The following SCNN1B variants were observed in gnomAD, a reference collection of about 807,000 sequenced individuals.
SCNN1B encodes epithelial sodium channel subunit beta.
SCNN1B carries 46 observed loss-of-function variants against 65.3 expected under a neutral mutation model. The observed-to-expected ratio is 0.70, with a 90% confidence interval of 0.56 to 0.90. The LOEUF is 0.90. SCNN1B is among the 40% of genes least tolerant of loss of function. SCNN1B has a pLI of 0.00. For synonymous variants in SCNN1B, 349 were observed against 330.6 expected (o/e 1.06, Z -0.60); for missense variants, 751 against 830.5 (o/e 0.90, Z 1.18).
chr16:23,356,601 G>T (rs914567855), intron 4 of SCNN1B, among the ~76,000 whole-genome samples: 4 of 150,848 alleles, frequency 2.7e-5, no homozygotes, highest in African/African-American at 9.8e-5. Context: ...TCCAGTCTGG[G>T]TGACAGAATG....
intron 1 of SCNN1B, among the ~76,000 whole-genome samples, chr16:23,305,107 C>T (rs1217144036): frequency 1.3e-5 from 2 of 152,024 alleles, no homozygotes; most frequent in African/African-American, 2.4e-5. Context: ...GAGATTTCCG[C>T]TTGTTGAGAG....
In SCNN1B at chr16:23,377,459, T is replaced by G. The variant is rs531944994; in HGVS notation, c.1404+73T>G. 1.7e-5 allele frequency: 25 copies of G among 1,468,550 alleles called. No homozygotes were observed. In the African/African-American group the frequency reaches 3.3e-4, roughly 20 times the overall value. 91.0% of individuals were successfully genotyped at this position (1,468,550 alleles called of 1,614,324 possible). ...ACAAGTCTGGGCATAAGATGTGGGC[T>G]ATTTGGAAATTTGAAGGGGGTGCCT... On this transcript the variant is annotated intron_variant, in intron 10 of 12. Coordinates refer to ENST00000343070, the MANE Select transcript of SCNN1B (RefSeq NM_000336.3).
intron 7 of SCNN1B, among the ~76,000 whole-genome samples, chr16:23,372,980 G>A (rs552614217): frequency 3.6e-4 from 55 of 151,678 alleles, no homozygotes; most frequent in African/African-American, 1.2e-3. Context: ...CGTGGCACAC[G>A]CCTGTAGTCC....
At chr16:23,317,431 G>A (rs1263525235) in intron 1 of SCNN1B, among the ~76,000 whole-genome samples, 1 of 152,178 alleles carries the variant, frequency 6.6e-6, no homozygotes, top group African/African-American at 2.4e-5. Flanking sequence ...GAGCAGTGTG[G>A]GGACATGACT....
intron 1 of SCNN1B, among the ~76,000 whole-genome samples, chr16:23,319,532 G>C (rs1286766463): frequency 6.6e-6 from 1 of 152,082 alleles, no homozygotes; most frequent in Non-Finnish European, 1.5e-5. Flanking sequence ...TCAAAATTCA[G>C]TGTTCATAAG....
At chr16:23,347,675 A>G (rs1439386367) in intron 1 of SCNN1B, among the ~76,000 whole-genome samples, 1 of 152,234 alleles carries the variant, frequency 6.6e-6, no homozygotes, top group Non-Finnish European at 1.5e-5. Context: ...TGGGATGCTG[A>G]GGTGGGTGGA....
At chr16:23,346,809 G>A (rs910861814) in intron 1 of SCNN1B, among the ~76,000 whole-genome samples, 33 of 151,218 alleles carry the variant, frequency 2.2e-4, no homozygotes, top group African/African-American at 7.5e-4. Flanking sequence ...CCAGGCCTCC[G>A]TTTTCTAATA....
At chr16:23,371,173 G>A in intron 5 of SCNN1B, 126 bp from the exon 6 acceptor site, 1 of 1,030,830 alleles carries the variant, frequency 9.7e-7, no homozygotes, top group East Asian at 2.6e-5. Flanking sequence ...TTTGCAAAGT[G>A]GAGCCAGCCT....
In SCNN1B at chr16:23,373,083, A is replaced by G. The variant is rs376282660; in HGVS notation, c.1152+1200A>G. Reference sequence around the variant, plus strand: ...TATCACGCCACTGCACTCCAGCCTGAGTGACAGAGTGAGACTCTTGTCTCA... The same window carrying G: ...TATCACGCCACTGCACTCCAGCCTGGGTGACAGAGTGAGACTCTTGTCTCA... On this transcript the variant is annotated intron_variant, in intron 7 of 12. Coordinates refer to ENST00000343070, the MANE Select transcript of SCNN1B (RefSeq NM_000336.3). 4.7e-3 allele frequency among the ~76,000 whole-genome samples: 716 copies of G among 152,182 alleles called. 7 individuals carry two copies. The highest frequency in any genetic ancestry group is 0.016 in the African/African-American group (678 of 41,564).
chr16:23,320,978 C>T (rs973982456), intron 1 of SCNN1B, among the ~76,000 whole-genome samples: 3 of 152,176 alleles, frequency 2.0e-5, no homozygotes, highest in South Asian at 4.1e-4. Flanking sequence ...TGGTGGTGGC[C>T]GGATCTAGAT....
intron 1 of SCNN1B, among the ~76,000 whole-genome samples, chr16:23,338,984 T>C (rs924231672): frequency 6.6e-6 from 1 of 152,240 alleles, no homozygotes; most frequent in South Asian, 2.1e-4. Context: ...AGATCTAGAA[T>C]ATTCTCATCG....
At chr16:23,378,475 C>A (rs1210237574) in intron 10 of SCNN1B, among the ~76,000 whole-genome samples, 2 of 152,160 alleles carry the variant, frequency 1.3e-5, no homozygotes, top group African/African-American at 4.8e-5. Flanking sequence ...GAGAGCCGGG[C>A]AGGGTGGCCA....
chr16:23,371,192 G>A lies in SCNN1B; in HGVS notation c.881-107G>A. On this transcript the variant is annotated intron_variant, in intron 5 of 12. Coordinates refer to ENST00000343070, the MANE Select transcript of SCNN1B (RefSeq NM_000336.3). ...CAAAGTGGAGCCAGCCTCCTTGGCG[G>A]TCCCTGGAGGTCCCCTGGCCGGAGG... is the stretch of plus-strand genomic sequence containing the variant. The A allele has an allele frequency of 4.7e-6, 6 of 1,282,202 alleles. 1 individual carries two copies. In the South Asian group the frequency reaches 5.2e-5, roughly 11 times the overall value. The allele number at this position is 1,282,202 out of a possible 1,614,324, so 79.4% of individuals were successfully genotyped here. A position where few individuals can be genotyped will look rare whatever the true frequency, so the allele number is the denominator to read the frequency against.
intron 2 of SCNN1B, among the ~76,000 whole-genome samples, chr16:23,352,419 G>T (rs1962328433): frequency 6.6e-6 from 1 of 152,188 alleles, no homozygotes. Flanking sequence ...TCGAGGGAGG[G>T]ACCTGGTGTG....
At chr16:23,302,885 C>G (rs1447819430) in intron 1 of SCNN1B, among the ~76,000 whole-genome samples, 1 of 152,124 alleles carries the variant, frequency 6.6e-6, no homozygotes, top group Non-Finnish European at 1.5e-5. Flanking sequence ...CTTGCTGTCC[C>G]CATTTTGCAG....
chr16:23,300,992 A>ATGTG (rs1567288177), upstream of SCNN1B, among the ~76,000 whole-genome samples: 1 of 100,600 alleles, frequency 9.9e-6, no homozygotes, highest in Non-Finnish European at 1.9e-5. Flanking sequence ...TGTTAAAAAC[A>ATGTG]CGTGTGTGTG....
intron 1 of SCNN1B, among the ~76,000 whole-genome samples, chr16:23,333,630 A>T (rs1567300838): frequency 2.6e-5 from 4 of 152,162 alleles, no homozygotes; most frequent in Non-Finnish European, 4.4e-5. Flanking sequence ...AATCCTGACA[A>T]CAACCTAGAA....
At chr16:23,334,293 C>T (rs1961890323) in intron 1 of SCNN1B, among the ~76,000 whole-genome samples, 1 of 152,182 alleles carries the variant, frequency 6.6e-6, no homozygotes, top group Non-Finnish European at 1.5e-5. Context: ...GAGTTGACAT[C>T]AGCATGACAT....
chr16:23,309,608 A>T (rs1961297235), intron 1 of SCNN1B, among the ~76,000 whole-genome samples: 1 of 152,202 alleles, frequency 6.6e-6, no homozygotes, highest in Non-Finnish European at 1.5e-5. Flanking sequence ...TGGGAGAAAG[A>T]TGTAGCCTAG....
Sources: allele counts gnomAD v4.1 joint callset (sites outside exome capture counted in the v4.1 genomes callset), GRCh38; gene constraint gnomAD v4.1.1; transcripts MANE v1.5; gene names NCBI Gene and HGNC (gene_info 2026-07-23, HGNC 2026-07-21).